DSCAM: variants seen among roughly 807,000 people sequenced by gnomAD.
DSCAM encodes the protein cell adhesion molecule DSCAM.
Under a neutral mutation model 217.7 loss-of-function variants are expected in DSCAM, and 47 were observed. The ratio of observed to expected loss-of-function variants is 0.22; its 90% CI spans 0.17 to 0.28. The LOEUF is 0.28. Among genes scored for constraint, DSCAM ranks in the 10% least tolerant of loss-of-function variants. DSCAM has a pLI of 1.00. For synonymous variants in DSCAM, 1,056 were observed against 1,015.3 expected (o/e 1.04, Z -0.76); for missense variants, 2,080 against 2,618.3 (o/e 0.79, Z 4.49).
intron 3 of DSCAM, among the ~76,000 whole-genome samples, chr21:40,654,615 T>C (rs1467376135): frequency 1.3e-5 from 2 of 152,180 alleles, no homozygotes; most frequent in African/African-American, 4.8e-5. Flanking sequence ...GTGTGTTTTG[T>C]GTTTTCCAGC....
intron 3 of DSCAM, among the ~76,000 whole-genome samples, chr21:40,590,990 T>C (rs546969479): frequency 2.6e-5 from 4 of 152,256 alleles, no homozygotes; most frequent in African/African-American, 7.2e-5. Flanking sequence ...GTAATCCCCA[T>C]TATCCCCATA....
chr21:40,674,609 ATTTTCT>A (rs1345568898), intron 3 of DSCAM, among the ~76,000 whole-genome samples: 17,562 of 123,506 alleles, frequency 0.14, 1,312 homozygotes, highest in East Asian at 0.2. Context: ...CATTAAAGGT[ATTTTCT>A]TTTTCTTTTT....
intron 10 of DSCAM, among the ~76,000 whole-genome samples, chr21:40,289,214 G>A (rs1037818339): frequency 6.6e-6 from 1 of 152,186 alleles, no homozygotes; most frequent in African/African-American, 2.4e-5. Flanking sequence ...GCAACCAACA[G>A]GGTAATTGAG....
chr21:40,023,123 T>A (rs949300700), intron 32 of DSCAM, among the ~76,000 whole-genome samples: 1 of 150,418 alleles, frequency 6.6e-6, no homozygotes, highest in East Asian at 2.0e-4. Flanking sequence ...ATATGTGGTG[T>A]TTGGTTTTTT....
chr21:40,352,816 T>C (rs1419413971), intron 5 of DSCAM, among the ~76,000 whole-genome samples: 1 of 152,182 alleles, frequency 6.6e-6, no homozygotes, highest in Non-Finnish European at 1.5e-5. Context: ...GTAGATTAGA[T>C]TGTGACCCTG....
intron 3 of DSCAM, among the ~76,000 whole-genome samples, chr21:40,398,901 C>G (rs1166238708): frequency 6.6e-6 from 1 of 152,110 alleles, no homozygotes; most frequent in African/African-American, 2.4e-5. Context: ...GAGTTTCTTT[C>G]TAAGAAGAGG....
At chr21:40,302,682 GA>G (rs1001860575) in intron 9 of DSCAM, among the ~76,000 whole-genome samples, 49 of 152,266 alleles carry the variant, frequency 3.2e-4, no homozygotes, top group African/African-American at 1.2e-3. Context: ...TCCCCAAAAA[GA>G]ACAATTTGAT....
At chr21:40,163,999 C>G (rs1021637122) in intron 16 of DSCAM, among the ~76,000 whole-genome samples, 3 of 152,216 alleles carry the variant, frequency 2.0e-5, no homozygotes, top group Admixed American at 1.3e-4. Flanking sequence ...ACACTCACCT[C>G]TCCTTCACTT....
intron 3 of DSCAM, among the ~76,000 whole-genome samples, chr21:40,680,652 C>T (rs2090391256): frequency 6.6e-6 from 1 of 152,194 alleles, no homozygotes; most frequent in Admixed American, 6.5e-5. Context: ...TTTTCTGTTG[C>T]TCATAAAGTC....
In DSCAM at chr21:40,097,959, AAAGAAAG is replaced by A. The variant is rs1568939010; in HGVS notation, c.3697-4092_3697-4086del. Among the ~76,000 whole-genome samples, 105 of 26,534 alleles carry A rather than the reference AAAGAAAG, an allele frequency of 4.0e-3. 7 individuals are homozygous for A. The highest frequency in any genetic ancestry group is 0.026 in the African/African-American group (92 of 3,558). The allele number at this position is 26,534 out of a possible 152,430, so 17.4% of individuals were successfully genotyped here. Reference sequence around the variant, plus strand: ...CTGTCTCAAAAAAAAAAAAAAAAAGAAAGAAAGAAAGAAAGAAAGAAAGAAAGAAAGA... The same window carrying A: ...CTGTCTCAAAAAAAAAAAAAAAAAGAAAAGAAAGAAAGAAAGAAAGAAAGA... On this transcript the variant is annotated intron_variant, in intron 20 of 32. Coordinates refer to ENST00000400454, the MANE Select transcript of DSCAM (RefSeq NM_001389.5).
intron 3 of DSCAM, among the ~76,000 whole-genome samples, chr21:40,498,781 GTATATATATATATATATATA>G (rs1166919235): frequency 1.5e-4 from 4 of 26,048 alleles, no homozygotes; most frequent in South Asian, 1.8e-3. Context: ...ATATGGGTGT[GTATATATATATATATATATA>G]TATATATATA....
At chr21:40,665,725 G>A (rs2090191765) in intron 3 of DSCAM, among the ~76,000 whole-genome samples, 1 of 152,166 alleles carries the variant, frequency 6.6e-6, no homozygotes, top group African/African-American at 2.4e-5. Flanking sequence ...TCCACCCTGG[G>A]CACCCCATCT....
intron 32 of DSCAM, among the ~76,000 whole-genome samples, chr21:40,028,995 G>GTACAATTACAAGTCC (rs2088461823): frequency 6.6e-6 from 1 of 151,804 alleles, no homozygotes. Flanking sequence ...GAATTTGCCT[G>GTACAATTACAAGTCC]TACAATTACA....
At chr21:40,267,932 A>G (rs61203677) in intron 11 of DSCAM, among the ~76,000 whole-genome samples, 12,116 of 152,034 alleles carry the variant, frequency 0.08, 1,148 homozygotes, top group East Asian at 0.22. Context: ...GTGTGGGTCT[A>G]TGTATACTGT....
chr21:40,598,346 G>A (rs549154854), intron 3 of DSCAM, among the ~76,000 whole-genome samples: 5 of 152,172 alleles, frequency 3.3e-5, no homozygotes, highest in East Asian at 1.9e-4. Context: ...AGAACACTTC[G>A]GTTGATTTTA....
chr21:40,328,532 T>C (rs1311564924), intron 8 of DSCAM, among the ~76,000 whole-genome samples: 1 of 152,138 alleles, frequency 6.6e-6, no homozygotes, highest in Non-Finnish European at 1.5e-5. Flanking sequence ...ATGACACTAC[T>C]AGGAGAAAAC....
At chr21:40,687,130 T>C (rs2090488040) in intron 3 of DSCAM, among the ~76,000 whole-genome samples, 1 of 152,178 alleles carries the variant, frequency 6.6e-6, no homozygotes, top group South Asian at 2.1e-4. Flanking sequence ...AGATGATACA[T>C]ACAAAGACAG....
chr21:40,153,433 G>C (rs564860589), intron 16 of DSCAM, among the ~76,000 whole-genome samples: 1 of 152,154 alleles, frequency 6.6e-6, no homozygotes, highest in African/African-American at 2.4e-5. Context: ...CAATGCTGTC[G>C]CCAAAGCAAT....
intron 11 of DSCAM, among the ~76,000 whole-genome samples, chr21:40,257,810 G>A (rs2073394899): frequency 6.6e-6 from 1 of 152,112 alleles, no homozygotes; most frequent in Non-Finnish European, 1.5e-5. Context: ...GGCCAAGGTA[G>A]CACAGAGGTG....
Sources: allele counts gnomAD v4.1 joint callset (sites outside exome capture counted in the v4.1 genomes callset), GRCh38; gene constraint gnomAD v4.1.1; transcripts MANE v1.5; gene names NCBI Gene and HGNC (gene_info 2026-07-23, HGNC 2026-07-21).